ZNF729: variants seen among roughly 807,000 people sequenced by gnomAD.
The protein encoded by ZNF729 is zinc finger protein 729.
Under a neutral mutation model 12.2 loss-of-function variants are expected in ZNF729, and 15 were observed. That is an observed-to-expected ratio of 1.23 (90% CI 0.82 to 1.89). The LOEUF (loss-of-function observed/expected upper bound fraction) is 1.89, where lower values mean the gene tolerates loss of function less well. ZNF729 is among the 40% of genes most tolerant of loss of function. ZNF729 has a pLI of 0.00. For missense variants in ZNF729, 1,540 were observed against 1,456.7 expected (o/e 1.06, Z -0.93); for synonymous variants, 492 against 476.3 (o/e 1.03, Z -0.43).
intron 3 of ZNF729, among the ~76,000 whole-genome samples, chr19:22,312,810 T>A (rs111446128): frequency 0.022 from 3,347 of 152,134 alleles, 108 homozygotes; most frequent in African/African-American, 0.077. Flanking sequence ...GCCTCCCAGG[T>A]TCAAGCAATT....
At chr19:22,300,501 C>A (rs1968290444) in intron 1 of ZNF729, among the ~76,000 whole-genome samples, 1 of 152,052 alleles carries the variant, frequency 6.6e-6, no homozygotes, top group Non-Finnish European at 1.5e-5. Flanking sequence ...AAGGTGCCAC[C>A]CAAGCTTTAC....
intron 3 of ZNF729, among the ~76,000 whole-genome samples, chr19:22,310,252 T>C (rs2145055319): frequency 6.6e-6 from 1 of 152,178 alleles, no homozygotes; most frequent in South Asian, 2.1e-4. Flanking sequence ...TGAAGAAGCA[T>C]GGCGAGAGTG....
At position 22,304,761 on chromosome 19, in the gene ZNF729, TGA is replaced by T; in HGVS notation, c.234_235del (p.Glu78AspfsTer4). 2.5e-6 allele frequency: 4 copies of T among 1,613,058 alleles called. No individual in the cohort carries two copies. Among genetic ancestry groups the T allele is most frequent in the Non-Finnish European group, 3.4e-6 (4 of 1,179,470 alleles). On this transcript the variant is annotated frameshift_variant, in exon 3 of 4. Coordinates refer to ENST00000601693, the MANE Select transcript of ZNF729 (RefSeq NM_001242680.2). LOFTEE classifies it low-confidence loss of function (END_TRUNC). ...AAGAGCCTTGGAATATGAAGAGACA[TGA>T]GATGGTAACTAAACCCCCAGGTATG... ...GKEPWNMKRH[E>X]MVTKPPVMRS...
chr19:22,301,183 A>C (rs1487074100), intron 1 of ZNF729, among the ~76,000 whole-genome samples: 1 of 152,174 alleles, frequency 6.6e-6, no homozygotes, highest in Non-Finnish European at 1.5e-5. Context: ...ATTCCTGTAA[A>C]TAATAAAAAT....
intron 3 of ZNF729, among the ~76,000 whole-genome samples, chr19:22,312,766 T>C (rs544437159): frequency 3.3e-5 from 5 of 152,216 alleles, no homozygotes; most frequent in African/African-American, 1.2e-4. Flanking sequence ...CAGGCTGGAG[T>C]GCGATGGCAT....
At chr19:22,294,540 A>G (rs1048462292) in intron 1 of ZNF729, among the ~76,000 whole-genome samples, 3 of 147,424 alleles carry the variant, frequency 2.0e-5, no homozygotes, top group Admixed American at 2.0e-4. Flanking sequence ...GCATTAAATC[A>G]TTTCTTTTTT....
intron 1 of ZNF729, among the ~76,000 whole-genome samples, chr19:22,289,491 C>G (rs1163458622): frequency 6.6e-6 from 1 of 152,120 alleles, no homozygotes; most frequent in African/African-American, 2.4e-5. Flanking sequence ...TCCCAAAGTG[C>G]TGGTATTACA....
intron 2 of ZNF729, among the ~76,000 whole-genome samples, chr19:22,304,119 A>C (rs1478718441): frequency 6.7e-6 from 1 of 149,250 alleles, no homozygotes; most frequent in Non-Finnish European, 1.5e-5. Flanking sequence ...GCTCACTGCA[A>C]CCTCCACCTC....
At chr19:22,290,465 A>G (rs1287415541) in intron 1 of ZNF729, among the ~76,000 whole-genome samples, 2 of 152,210 alleles carry the variant, frequency 1.3e-5, no homozygotes, top group African/African-American at 4.8e-5. Context: ...AAGGATTGCA[A>G]AGTTTAGGCA....
intron 1 of ZNF729, among the ~76,000 whole-genome samples, chr19:22,292,795 T>G (rs946820484): frequency 6.6e-6 from 1 of 152,220 alleles, no homozygotes; most frequent in African/African-American, 2.4e-5. Context: ...GTTGATTCCA[T>G]GTCTTTGCTA....
intron 3 of ZNF729, among the ~76,000 whole-genome samples, chr19:22,306,294 C>T (rs1968376313): frequency 6.6e-6 from 1 of 151,816 alleles, no homozygotes; most frequent in African/African-American, 2.4e-5. Flanking sequence ...CAAAAATTAG[C>T]CAGGCATGGT....
chr19:22,316,275 A>G lies in ZNF729; in HGVS notation c.2858A>G (p.Lys953Arg), dbSNP rs754088296. The G allele has an allele frequency of 1.5e-4, 234 of 1,613,674 alleles. No individual in the cohort carries two copies. Among genetic ancestry groups the G allele is most frequent in the Non-Finnish European group, 1.9e-4 (225 of 1,179,750 alleles). Reference sequence around the variant, plus strand: ...TTTAATGATTCCTCAACCCTTATGAAGCATAAGATAATTCATACTGGGAAG... The same window carrying G: ...TTTAATGATTCCTCAACCCTTATGAGGCATAAGATAATTCATACTGGGAAG... ...KAFNDSSTLM[K>R]HKIIHTGKKP... Residue 953 changes from lysine (K) to arginine (R), a missense_variant, in exon 4 of 4, where the codon AAG (lysine) becomes AGG (arginine). Lys to Arg is a conservative substitution (Grantham distance 26). Transcript: ENST00000601693.
rs113998090 is a variant in ZNF729, at chr19:22,287,664, A to G, written c.30+1109A>G. ...TCTTAATTATTTTCACACTCCTCGG[A>G]GGACTGATTTTTTTTTTTTTCCCTT... On this transcript the variant is annotated intron_variant, in intron 1 of 3. Coordinates refer to ENST00000601693, the MANE Select transcript of ZNF729 (RefSeq NM_001242680.2). Among the ~76,000 whole-genome samples, 358 of 140,068 alleles carry G rather than the reference A, an allele frequency of 2.6e-3. 4 individuals are homozygous for G. The highest frequency in any genetic ancestry group is 8.9e-3 in the African/African-American group (336 of 37,678). The allele number at this position is 140,068 out of a possible 152,430, so 91.9% of individuals were successfully genotyped here. A position where few individuals can be genotyped will look rare whatever the true frequency, so the allele number is the denominator to read the frequency against.
chr19:22,286,583 G>A, intron 1 of ZNF729, 28 bp downstream of exon 1: 1 of 1,614,012 alleles, frequency 6.2e-7, no homozygotes, highest in Non-Finnish European at 8.5e-7. Flanking sequence ...GACATCCCGA[G>A]AAGGGGAAGG....
intron 1 of ZNF729, among the ~76,000 whole-genome samples, chr19:22,291,294 C>T (rs928697992): frequency 1.3e-5 from 2 of 152,100 alleles, no homozygotes; most frequent in East Asian, 1.9e-4. Flanking sequence ...CAGATCTCCT[C>T]CCGGGGTGAG....
chr19:22,308,504 C>A (rs896199418), intron 3 of ZNF729, among the ~76,000 whole-genome samples: 6 of 151,958 alleles, frequency 3.9e-5, no homozygotes, highest in African/African-American at 1.5e-4. Flanking sequence ...AGAAGTGTTC[C>A]CTGATCACCA....
At chr19:22,291,730 GTTTTGTTTTTGT>G (rs199849041) in intron 1 of ZNF729, among the ~76,000 whole-genome samples, 1 of 152,090 alleles carries the variant, frequency 6.6e-6, no homozygotes, top group African/African-American at 2.4e-5. Flanking sequence ...GTTCTTTTAT[GTTTTGTTTTTGT>G]TTTTGTTTTT....
intron 2 of ZNF729, 41 bp downstream of exon 2, chr19:22,303,925 T>C (rs553207636): frequency 8.6e-6 from 13 of 1,513,148 alleles, no homozygotes; most frequent in Admixed American, 2.0e-5. Context: ...TTATATTCTA[T>C]AGGTTTAATT....
chr19:22,308,994 A>C (rs1278421130), intron 3 of ZNF729, among the ~76,000 whole-genome samples: 1 of 152,174 alleles, frequency 6.6e-6, no homozygotes, highest in African/African-American at 2.4e-5. Context: ...CAATGTCTGA[A>C]AGGGTTTTTC....
Sources: allele counts gnomAD v4.1 joint callset (sites outside exome capture counted in the v4.1 genomes callset), GRCh38; gene constraint gnomAD v4.1.1; transcripts MANE v1.5; gene names NCBI Gene and HGNC (gene_info 2026-07-23, HGNC 2026-07-21).